Variants in STK39 observed in about 807,000 individuals in gnomAD.
STK39 encodes serine/threonine kinase 39.
Under a neutral mutation model 77.8 loss-of-function variants are expected in STK39, and 20 were observed. The observed-to-expected ratio is 0.26, with a 90% CI of 0.18 to 0.37. The LOEUF (loss-of-function observed/expected upper bound fraction) is 0.37, where lower values mean the gene tolerates loss of function less well. Ranked by LOEUF, STK39 falls within the 10% of genes least tolerant of loss-of-function variation. STK39 has a pLI of 1.00. For synonymous variants in STK39, 246 were observed against 234.1 expected, an observed-to-expected ratio of 1.05 and a Z score of -0.47; for missense variants, 479 against 656.5, an observed-to-expected ratio of 0.73 and a Z score of 2.95.
At chr2:168,244,025 A>AGGATATCAATG (rs1398638212) in intron 1 of STK39, among the ~76,000 whole-genome samples, 1 of 152,186 alleles carries the variant, frequency 6.6e-6, no homozygotes, top group African/African-American at 2.4e-5. Context: ...TACTAAGACA[A>AGGATATCAATG]GGATATCAAT....
Position 168,063,523 on chromosome 2 carries a change from G to C in STK39, c.1353C>G (p.Ala451=). ...NEDYREASSC[A]VNLVLRLRNS... Reference sequence around the variant, plus strand: ...ACCTTAATCTCAAAACGAGGTTCACGGCACAAGAAGAAGCTTCTCTGTAGT... The same window carrying C: ...ACCTTAATCTCAAAACGAGGTTCACCGCACAAGAAGAAGCTTCTCTGTAGT... Residue 451 remains alanine, a synonymous_variant, in exon 14 of 18, where the codon GCC becomes GCG. Transcript: ENST00000355999. 1 of 1,612,992 alleles carries C rather than the reference G, an allele frequency of 6.2e-7. No individual in the cohort carries two copies. Among genetic ancestry groups the C allele is most frequent in the Non-Finnish European group, 8.5e-7 (1 of 1,179,430 alleles).
chr2:168,114,285 A>G (rs944545049), intron 10 of STK39, among the ~76,000 whole-genome samples: 23 of 152,218 alleles, frequency 1.5e-4, no homozygotes, highest in African/African-American at 5.3e-4. Context: ...ACCTTAGACA[A>G]TAATTTCCTT....
At chr2:168,079,653 C>T (rs1368852776) in intron 10 of STK39, among the ~76,000 whole-genome samples, 1 of 152,102 alleles carries the variant, frequency 6.6e-6, no homozygotes, top group African/African-American at 2.4e-5. Context: ...ATCTTGGGAC[C>T]CACCCTAGAC....
intron 16 of STK39, among the ~76,000 whole-genome samples, chr2:167,970,917 A>AC (rs1293738432): frequency 2.6e-5 from 4 of 152,120 alleles, no homozygotes; most frequent in Non-Finnish European, 5.9e-5. Context: ...ACCATAAGGC[A>AC]CCCCTGGAGT....
In STK39 at chr2:167,977,201, C is replaced by G. The variant is rs189662374; in HGVS notation, c.1499-12475G>C. ...CTGGATCTGTCCTTTAAAATATTAC[C>G]ATAAAATTGGTATTTTGATCCTGAA... On this transcript the variant is annotated intron_variant, in intron 16 of 17. Coordinates refer to ENST00000355999, the MANE Select transcript of STK39 (RefSeq NM_013233.3). Among the ~76,000 whole-genome samples the G allele has an allele frequency of 7.2e-5, 11 of 152,214 alleles. No homozygotes were observed. In the East Asian group the frequency reaches 2.1e-3, roughly 29 times the overall value.
chr2:168,095,141 C>T (rs754032307), intron 10 of STK39, among the ~76,000 whole-genome samples: 2 of 152,180 alleles, frequency 1.3e-5, no homozygotes, highest in Non-Finnish European at 2.9e-5. Flanking sequence ...CTGTCCTCTA[C>T]TGTTCACTCC....
chr2:168,214,877 G>A (rs1160595681), intron 1 of STK39, among the ~76,000 whole-genome samples: 2 of 152,186 alleles, frequency 1.3e-5, no homozygotes, highest in Non-Finnish European at 2.9e-5. Context: ...ATCCAAAAGA[G>A]TGTATTGGTT....
intron 14 of STK39, among the ~76,000 whole-genome samples, chr2:168,034,141 G>C (rs1684894528): frequency 6.6e-6 from 1 of 152,166 alleles, no homozygotes; most frequent in Admixed American, 6.6e-5. Flanking sequence ...AACAAGATTT[G>C]GGGGAGGCAG....
chr2:168,112,759 C>A (rs1476372697), intron 10 of STK39, among the ~76,000 whole-genome samples: 2 of 152,088 alleles, frequency 1.3e-5, no homozygotes, highest in Non-Finnish European at 2.9e-5. Flanking sequence ...CTTTGTCTAC[C>A]TCATGGCGCA....
At chr2:167,988,776 T>C (rs764429786) in intron 16 of STK39, among the ~76,000 whole-genome samples, 6 of 152,188 alleles carry the variant, frequency 3.9e-5, no homozygotes, top group Non-Finnish European at 5.9e-5. Context: ...TAAACCACCT[T>C]TAAAAAATGA....
intron 2 of STK39, among the ~76,000 whole-genome samples, chr2:168,171,854 C>CT (rs1688835174): frequency 1.1e-5 from 1 of 92,096 alleles, no homozygotes; most frequent in Admixed American, 1.1e-4. Context: ...GCCCCCCCCA[C>CT]TCCCCCCTCC....
chr2:168,111,808 G>A lies in STK39; in HGVS notation c.1089+17733C>T, dbSNP rs1376637039. On this transcript the variant is annotated intron_variant, in intron 10 of 17. Transcript: ENST00000355999. Reference sequence around the variant, plus strand: ...CTTAAATGTGATATGCAATGTAAGAGCTTTTGCTATTCTCAATTTCCACAG... The same window carrying A: ...CTTAAATGTGATATGCAATGTAAGAACTTTTGCTATTCTCAATTTCCACAG... Among the ~76,000 whole-genome samples the A allele has an allele frequency of 3.9e-5, 6 of 152,114 alleles. No homozygotes were observed. The East Asian group carries it at 1.2e-3, about 29-fold the overall frequency.
chr2:168,247,317 G>A lies in STK39; in HGVS notation c.119C>T (p.Pro40Leu), dbSNP rs1357516694. The A allele has an allele frequency of 1.9e-6, 2 of 1,037,156 alleles. No homozygotes were observed. Among genetic ancestry groups the A allele is most frequent in the African/African-American group, 1.7e-5 (1 of 58,246 alleles). 64.2% of individuals were successfully genotyped at this position (1,037,156 alleles called of 1,614,324 possible). Reference sequence around the variant, plus strand: ...GGCCGGGGCCGGGGCCGGGGCCGCGGGAGCTGCCGGGGCCGGCGCTGCTGT... The same window carrying A: ...GGCCGGGGCCGGGGCCGGGGCCGCGAGAGCTGCCGGGGCCGGCGCTGCTGT... ...AATAAPAPAA[P>L]AAPAPAPAPA... Residue 40 changes from proline to leucine, a missense_variant, in exon 1 of 18, where the codon CCC (proline) becomes CTC (leucine). Pro to Leu is a moderately conservative substitution (Grantham distance 98). Around this residue, in one of 3 missense-constraint regions of STK39, gnomAD observed 96 missense variants for 79.1 expected, o/e 1.21. Transcript: ENST00000355999.
Position 168,104,574 on chromosome 2 carries a change from T to G in STK39, c.1089+24967A>C, listed in dbSNP as rs192216302. Among the ~76,000 whole-genome samples, 479 of 152,306 alleles carry G rather than the reference T, an allele frequency of 3.1e-3. 2 individuals are homozygous for G. Among genetic ancestry groups the G allele is most frequent in the Non-Finnish European group, 5.0e-3 (341 of 68,026 alleles). ...TTAGGGGTGGGTAGGATAGAAGGTA[T>G]AGAATGGAATGGAACGAAAGAATAT... On this transcript the variant is annotated intron_variant, in intron 10 of 17. Transcript: ENST00000355999.
intron 1 of STK39, among the ~76,000 whole-genome samples, chr2:168,232,732 G>A (rs975340817): frequency 6.6e-6 from 1 of 152,078 alleles, no homozygotes; most frequent in Non-Finnish European, 1.5e-5. Context: ...CCAACATGGT[G>A]AAATCCCGTC....
chr2:168,141,543 T>C (rs1659309544), intron 5 of STK39, among the ~76,000 whole-genome samples: 1 of 152,262 alleles, frequency 6.6e-6, no homozygotes, highest in Admixed American at 6.5e-5. Flanking sequence ...CTGGCAATTA[T>C]TAACGTACTA....
intron 7 of STK39, among the ~76,000 whole-genome samples, chr2:168,139,408 T>TATATATATATATATATATA (rs985606761): frequency 1.4e-5 from 2 of 144,494 alleles, no homozygotes; most frequent in South Asian, 2.1e-4. Flanking sequence ...TAAAAAAAAT[T>TATATATATATATATATATA]TATATATATA....
chr2:168,235,428 A>C (rs951401587), intron 1 of STK39, among the ~76,000 whole-genome samples: 1 of 148,590 alleles, frequency 6.7e-6, no homozygotes, highest in African/African-American at 2.6e-5. Flanking sequence ...ATTAGGGCAG[A>C]ATCACGAGCC....
At chr2:167,985,347 C>T (rs1293851042) in intron 16 of STK39, among the ~76,000 whole-genome samples, 3 of 152,148 alleles carry the variant, frequency 2.0e-5, no homozygotes, top group Non-Finnish European at 4.4e-5. Context: ...GTTGTTTGTG[C>T]ACTTGTTTGT....
Sources: allele counts gnomAD v4.1 joint callset (sites outside exome capture counted in the v4.1 genomes callset), GRCh38; gene constraint gnomAD v4.1.1; regional missense constraint gnomAD v4.1.1; transcripts MANE v1.5; gene names NCBI Gene and HGNC (gene_info 2026-07-23, HGNC 2026-07-21).